The following SH3BP4 variants were observed in gnomAD, a reference collection of about 807,000 sequenced individuals.
SH3BP4 encodes the protein SH3 domain binding protein 4, also known as SH3 domain-binding protein 4.
In SH3BP4, 33 loss-of-function variants were observed where a neutral mutation model predicts 65.5. The ratio of observed to expected loss-of-function variants is 0.50; its 90% CI spans 0.38 to 0.67. The LOEUF (loss-of-function observed/expected upper bound fraction) is 0.67. SH3BP4 is among the 30% of genes least tolerant of loss of function. The pLI is 0.00. For missense variants in SH3BP4, 1,134 were observed against 1,261.4 expected, an observed-to-expected ratio of 0.90 and a Z score of 1.53; for synonymous variants, 552 against 545.5, an observed-to-expected ratio of 1.01 and a Z score of -0.17.
At chr2:235,029,712 A>T (rs1242899442) in intron 2 of SH3BP4, among the ~76,000 whole-genome samples, 1 of 152,248 alleles carries the variant, frequency 6.6e-6, no homozygotes, top group East Asian at 1.9e-4. Flanking sequence ...TTATAAAGTC[A>T]ATCACAGCAT....
rs749521740 is a variant in SH3BP4, at chr2:235,042,059, C to G, written c.1290C>G (p.Leu430=). The part of the protein sequence containing the change: ...SKEGPYVSVP[L]NCSCGDTVQA... ...AAGGGCCATATGTCTCCGTCCCGCT[C>G]AACTGCAGCTGTGGGGACACGGTCC... The change falls in exon 4 of 6, where the codon CTC becomes CTG. Residue 430 remains leucine, a synonymous_variant. Transcript: ENST00000392011. This position sits in a 1 kb window ranked among gnomAD's most constrained non-coding sequence, Gnocchi z 7.3. 2 of 1,614,072 alleles carry G rather than the reference C, an allele frequency of 1.2e-6. No homozygotes were observed. The highest frequency in any genetic ancestry group is 1.7e-6 in the Non-Finnish European group (2 of 1,180,036).
Position 235,026,307 on chromosome 2 carries a change from A to G in SH3BP4, c.-132-8564A>G, listed in dbSNP as rs1007819305. Among the ~76,000 whole-genome samples, 3 of 152,124 alleles carry G rather than the reference A, an allele frequency of 2.0e-5. No homozygotes were observed. The highest frequency in any genetic ancestry group is 4.4e-5 in the Non-Finnish European group (3 of 68,022). The stretch of plus-strand genomic sequence containing the variant: ...CTGGAATCATGACTCCAGCCGCGCT[A>G]GCCATCTCACTTTTTACAATAAAAA... On this transcript the variant is annotated intron_variant, in intron 2 of 5. Transcript: ENST00000392011. The surrounding 1 kb of genome is among the most constrained non-coding windows in gnomAD (Gnocchi z 4.6).
chr2:235,007,935 G>T (rs539495984), intron 2 of SH3BP4, among the ~76,000 whole-genome samples: 1 of 152,352 alleles, frequency 6.6e-6, no homozygotes, highest in Admixed American at 6.5e-5. Context: ...GTCAAGGGCA[G>T]TCAGGGGAGG....
At chr2:235,018,450 T>C (rs1694755092) in intron 2 of SH3BP4, among the ~76,000 whole-genome samples, 3 of 152,136 alleles carry the variant, frequency 2.0e-5, no homozygotes, top group African/African-American at 7.2e-5. Flanking sequence ...TAAACACCAA[T>C]GTTAGTTACC....
chr2:235,024,092 A>T (rs920914785), intron 2 of SH3BP4, among the ~76,000 whole-genome samples: 6 of 152,246 alleles, frequency 3.9e-5, no homozygotes, highest in African/African-American at 1.2e-4. Context: ...ATTGATGGAC[A>T]TGTGAGCTCT....
rs1695282139 is a variant in SH3BP4, at chr2:235,033,865, A to G, written c.-132-1006A>G. On this transcript the variant is annotated intron_variant, in intron 2 of 5. Coordinates refer to ENST00000392011, the MANE Select transcript of SH3BP4 (RefSeq NM_014521.3). This position sits in a 1 kb window ranked among gnomAD's most constrained non-coding sequence, Gnocchi z 5.7. ...AAGGCAGCACACTGGGTCAGAAGCT[A>G]CATTCTCAGCTGTCCCTGGATAGAG... Among the ~76,000 whole-genome samples, 1 of 152,220 alleles carries G rather than the reference A, an allele frequency of 6.6e-6. No individual in the cohort carries two copies.
chr2:234,955,478 G>A (rs1026637150), intron 1 of SH3BP4, among the ~76,000 whole-genome samples: 1 of 151,992 alleles, frequency 6.6e-6, no homozygotes, highest in African/African-American at 2.4e-5. Context: ...CCCTGAGGGC[G>A]TCCACGTGTT....
chr2:235,043,203 A>C lies in SH3BP4; in HGVS notation c.2434A>C (p.Thr812Pro). 6.3e-7 allele frequency: 1 copy of C among 1,595,984 alleles called. No individual in the cohort carries two copies. Among genetic ancestry groups the C allele is most frequent in the Non-Finnish European group, 8.6e-7 (1 of 1,168,160 alleles). The part of the protein sequence containing the change: ...LEKLKEDCNN[T>P]ENKERKSFQK... ...AAAGCTGAAGGAGGACTGTAACAAC[A>C]CTGAGAACAAAGAACGGAAGTCCTT... Residue 812 changes from threonine to proline, a missense_variant, in exon 4 of 6, where the codon ACT (threonine) becomes CCT (proline). Coordinates refer to ENST00000392011, the MANE Select transcript of SH3BP4 (RefSeq NM_014521.3).
At chr2:234,987,341 C>T (rs76536855) in intron 1 of SH3BP4, among the ~76,000 whole-genome samples, 24,780 of 151,252 alleles carry the variant, frequency 0.16, 2,328 homozygotes, top group Non-Finnish European at 0.22. Flanking sequence ...AAAAAAAAGA[C>T]AGGGTCCCTG....
chr2:234,966,826 C>T (rs937644359), intron 1 of SH3BP4, among the ~76,000 whole-genome samples: 2 of 152,112 alleles, frequency 1.3e-5, no homozygotes, highest in African/African-American at 4.8e-5. Context: ...CTAATGTGAA[C>T]GTTGCCTGTC....
intron 2 of SH3BP4, among the ~76,000 whole-genome samples, chr2:235,004,540 C>T: frequency 6.6e-6 from 1 of 152,200 alleles, no homozygotes; most frequent in Non-Finnish European, 1.5e-5. Context: ...TCCTTCCCGC[C>T]CCTGACAACC....
chr2:234,976,470 TG>T lies in SH3BP4; in HGVS notation c.-206-18830del, dbSNP rs1693170803. Among the ~76,000 whole-genome samples the T allele has an allele frequency of 3.9e-5, 6 of 152,254 alleles. No homozygotes were observed. In the South Asian group the frequency reaches 1.0e-3, roughly 26 times the overall value. ...AGGTTAAGGTCTCTCTTGCATTTTG[TG>T]GGTGGCTGCCTGCAGTTAAGCAGGG... is the stretch of plus-strand genomic sequence containing the variant. On this transcript the variant is annotated intron_variant, in intron 1 of 5. Transcript: ENST00000392011. The surrounding 1 kb of genome is among the most constrained non-coding windows in gnomAD (Gnocchi z 4.7).
Position 235,045,414 on chromosome 2 carries a change from A to C in SH3BP4, c.2478+2167A>C, listed in dbSNP as rs1363467263. Among the ~76,000 whole-genome samples, 1 of 151,938 alleles carries C rather than the reference A, an allele frequency of 6.6e-6. No individual in the cohort carries two copies. The highest frequency in any genetic ancestry group is 1.5e-5 in the Non-Finnish European group (1 of 67,960). The stretch of plus-strand genomic sequence containing the variant: ...AAGACATAAATGATCAAACTCTCTC[A>C]ATTCGATTGGTGAGCATCTCTGGGA... On this transcript the variant is annotated intron_variant, in intron 4 of 5. Transcript: ENST00000392011. The surrounding 1 kb of genome is among the most constrained non-coding windows in gnomAD (Gnocchi z 4.3).
chr2:235,043,342 AAGTCAC>A, intron 4 of SH3BP4, 95 bp downstream of exon 4: 1 of 955,650 alleles, frequency 1.0e-6, no homozygotes, highest in Non-Finnish European at 1.6e-6. Flanking sequence ...GTGGTGTCGT[AAGTCAC>A]CAGGACAGTG....
rs1179505660 is a variant in SH3BP4, at chr2:235,055,133, A to G, written c.*1317A>G. 6.6e-6 allele frequency: 1 copy of G among 152,232 alleles called. No homozygotes were observed. Among genetic ancestry groups the G allele is most frequent in the East Asian group, 1.9e-4 (1 of 5,190 alleles). The allele number at this position is 152,232 out of a possible 1,614,324, so 9.4% of individuals were successfully genotyped here. On this transcript the variant is annotated 3_prime_UTR_variant, in exon 6 of 6. Coordinates refer to ENST00000392011, the MANE Select transcript of SH3BP4 (RefSeq NM_014521.3). ...TCGTAGATGTCGCGTGTTGGAAGGG[A>G]GCAGGAGGAAGGACTGATACTGGCA... is the stretch of plus-strand genomic sequence containing the variant.
chr2:235,017,896 C>G (rs1392340741), intron 2 of SH3BP4, among the ~76,000 whole-genome samples: 1 of 152,078 alleles, frequency 6.6e-6, no homozygotes, highest in Non-Finnish European at 1.5e-5. Flanking sequence ...TCCTGAAACG[C>G]AGCAAGACTC....
intron 2 of SH3BP4, among the ~76,000 whole-genome samples, chr2:235,007,045 G>A (rs1165868155): frequency 1.3e-5 from 2 of 152,154 alleles, no homozygotes; most frequent in Non-Finnish European, 2.9e-5. Flanking sequence ...CACGGGTAAA[G>A]GATGTCATCT....
At chr2:235,031,945 G>A (rs1238204551) in intron 2 of SH3BP4, among the ~76,000 whole-genome samples, 1 of 152,240 alleles carries the variant, frequency 6.6e-6, no homozygotes, top group Non-Finnish European at 1.5e-5. Context: ...TCCCTCTTGT[G>A]CCCAGATGGA....
At chr2:234,998,762 G>T (rs1694007431) in intron 2 of SH3BP4, among the ~76,000 whole-genome samples, 1 of 152,188 alleles carries the variant, frequency 6.6e-6, no homozygotes, top group African/African-American at 2.4e-5. Flanking sequence ...GTTTACTTTT[G>T]AGGTTTGCAT....
Sources: allele counts gnomAD v4.1 joint callset (sites outside exome capture counted in the v4.1 genomes callset), GRCh38; gene constraint gnomAD v4.1.1; non-coding constraint Gnocchi (gnomAD v3.1); transcripts MANE v1.5; gene names NCBI Gene and HGNC (gene_info 2026-07-23, HGNC 2026-07-21).